CNOT6: variants seen among roughly 807,000 people sequenced by gnomAD.
CNOT6 encodes CCR4-NOT transcription complex subunit 6, also known as carbon catabolite repression 4 protein.
A neutral mutation model predicts 61.2 loss-of-function variants in CNOT6; 12 were observed. That is an observed-to-expected ratio of 0.20 (90% CI 0.13 to 0.32). The LOEUF (loss-of-function observed/expected upper bound fraction) is 0.32, where lower values mean the gene tolerates loss of function less well. Among genes scored for constraint, CNOT6 ranks in the 10% least tolerant of loss-of-function variants. CNOT6 has a pLI of 1.00. For missense variants in CNOT6, 405 were observed against 663.9 expected, an observed-to-expected ratio of 0.61 and a Z score of 4.28; for synonymous variants, 225 against 240.6, an observed-to-expected ratio of 0.94 and a Z score of 0.60.
chr5:180,510,789 A>G (rs1033154342), intron 1 of CNOT6, among the ~76,000 whole-genome samples: 36 of 152,118 alleles, frequency 2.4e-4, no homozygotes, highest in Admixed American at 1.8e-3. Flanking sequence ...TTGTTTTGTA[A>G]TAATGGAAAA....
At chr5:180,540,473 C>T (rs72812965) in intron 2 of CNOT6, among the ~76,000 whole-genome samples, 2,884 of 152,140 alleles carry the variant, frequency 0.019, 38 homozygotes, top group Non-Finnish European at 0.027. Context: ...CAGTAGAGAC[C>T]GTAATTGGAG....
intron 1 of CNOT6, among the ~76,000 whole-genome samples, chr5:180,518,359 C>G (rs1757740139): frequency 6.6e-6 from 1 of 152,116 alleles, no homozygotes; most frequent in Non-Finnish European, 1.5e-5. Flanking sequence ...ACTTTGCTTT[C>G]TTGGTATTAG....
In CNOT6 at chr5:180,529,382, A is replaced by T; in HGVS notation, c.106A>T (p.Ile36Leu). The stretch of plus-strand genomic sequence containing the variant: ...GAAATCCCACTGGGCAGAGCTTGAA[A>T]TAAGTGGTAAGACATGGAAGCATGA... The part of the protein sequence containing the change: ...GKKSHWAELE[I>L]SGKVRSLSAS... The change falls in exon 2 of 12, where the codon ATA becomes TTA. Residue 36 changes from isoleucine to leucine, a missense_variant. Ile to Leu is a conservative substitution (Grantham distance 5). Coordinates refer to ENST00000261951, the MANE Select transcript of CNOT6 (RefSeq NM_001370472.1). 1 of 1,594,782 alleles carries T rather than the reference A, an allele frequency of 6.3e-7. No homozygotes were observed. The highest frequency in any genetic ancestry group is 8.6e-7 in the Non-Finnish European group (1 of 1,162,974).
intron 4 of CNOT6, among the ~76,000 whole-genome samples, chr5:180,555,750 G>C (rs969230889): frequency 6.6e-6 from 1 of 152,174 alleles, no homozygotes; most frequent in African/African-American, 2.4e-5. Flanking sequence ...GCTTGGAAGA[G>C]AGAAAATAAT....
At chr5:180,504,282 A>G (rs1757027428) in intron 1 of CNOT6, among the ~76,000 whole-genome samples, 2 of 152,202 alleles carry the variant, frequency 1.3e-5, no homozygotes, top group Non-Finnish European at 2.9e-5. Context: ...GTGTTGTTAA[A>G]GGCTTCTTGA....
intron 2 of CNOT6, among the ~76,000 whole-genome samples, chr5:180,548,294 C>T (rs901694654): frequency 6.6e-6 from 1 of 152,216 alleles, no homozygotes; most frequent in African/African-American, 2.4e-5. Flanking sequence ...AGTCTAGCCT[C>T]AGTTCTGTGT....
chr5:180,541,441 A>AT (rs1163850404), intron 2 of CNOT6, among the ~76,000 whole-genome samples: 6,161 of 106,254 alleles, frequency 0.058, 627 homozygotes, highest in East Asian at 0.11. Context: ...TGGCCAAGAA[A>AT]TTTTTTTTTT....
At position 180,575,166 on chromosome 5, in the gene CNOT6, A is replaced by C. The variant is rs1760950150; in HGVS notation, c.*966A>C. On this transcript the variant is annotated 3_prime_UTR_variant, in exon 12 of 12. Coordinates refer to ENST00000261951, the MANE Select transcript of CNOT6 (RefSeq NM_001370472.1). ...CTGCCTAAATTTGTTCTCACCAAGC[A>C]CTGCCTGTGCATGCAGAGAAAATCT... is the stretch of plus-strand genomic sequence containing the variant. 6.6e-6 allele frequency: 1 copy of C among 152,664 alleles called. No homozygotes were observed. The highest frequency in any genetic ancestry group is 1.5e-5 in the Non-Finnish European group (1 of 68,050). 9.5% of individuals were successfully genotyped at this position (152,664 alleles called of 1,614,324 possible). A position where few individuals can be genotyped will look rare whatever the true frequency, so the allele number is the denominator to read the frequency against.
intron 4 of CNOT6, among the ~76,000 whole-genome samples, chr5:180,562,513 G>A (rs371532479): frequency 3.3e-5 from 5 of 152,162 alleles, no homozygotes; most frequent in African/African-American, 1.2e-4. Context: ...GGCCGAGTCG[G>A]GTGGATCACG....
intron 2 of CNOT6, among the ~76,000 whole-genome samples, chr5:180,530,965 C>T (rs1243447915): frequency 6.6e-6 from 1 of 152,266 alleles, no homozygotes; most frequent in Non-Finnish European, 1.5e-5. Context: ...ATGTCTACTT[C>T]TTTCTACACA....
chr5:180,529,392 A>T lies in CNOT6; in HGVS notation c.112+4A>T. 1.9e-6 allele frequency: 3 copies of T among 1,544,756 alleles called. No individual in the cohort carries two copies. Among genetic ancestry groups the T allele is most frequent in the Non-Finnish European group, 2.7e-6 (3 of 1,118,436 alleles). ...TGGGCAGAGCTTGAAATAAGTGGTA[A>T]GACATGGAAGCATGAATTTATGGTA... On this transcript the variant is annotated splice_donor_region_variant and intron_variant, in intron 2 of 11. Coordinates refer to ENST00000261951, the MANE Select transcript of CNOT6 (RefSeq NM_001370472.1).
intron 4 of CNOT6, among the ~76,000 whole-genome samples, chr5:180,554,709 C>T (rs974637338): frequency 6.6e-6 from 1 of 151,946 alleles, no homozygotes; most frequent in Admixed American, 6.6e-5. Flanking sequence ...CTAGCTGTTT[C>T]TAAATTTGAA....
At chr5:180,531,490 C>T (rs539589247) in intron 2 of CNOT6, among the ~76,000 whole-genome samples, 82 of 151,418 alleles carry the variant, frequency 5.4e-4, no homozygotes, top group Non-Finnish European at 9.0e-4. Context: ...AGACGCTCCT[C>T]ACTTCCCAGA....
At chr5:180,529,512 A>G in intron 2 of CNOT6, 124 bp downstream of exon 2, 1 of 663,500 alleles carries the variant, frequency 1.5e-6, no homozygotes, top group Non-Finnish European at 2.7e-6. Context: ...GTATTTATAA[A>G]TGATTGTATT....
At chr5:180,549,238 T>C (rs2127742696) in intron 2 of CNOT6, among the ~76,000 whole-genome samples, 1 of 152,316 alleles carries the variant, frequency 6.6e-6, no homozygotes, top group Admixed American at 6.5e-5. Flanking sequence ...GAACAGCCTC[T>C]GAGATAGTAG....
At chr5:180,548,331 T>C (rs1461876285) in intron 2 of CNOT6, among the ~76,000 whole-genome samples, 1 of 152,178 alleles carries the variant, frequency 6.6e-6, no homozygotes, top group Admixed American at 6.5e-5. Context: ...GCCTCCACCA[T>C]CCTTTCAGGT....
chr5:180,555,898 T>C (rs969064600), intron 4 of CNOT6, among the ~76,000 whole-genome samples: 1 of 152,124 alleles, frequency 6.6e-6, no homozygotes, highest in Non-Finnish European at 1.5e-5. Context: ...CTTCACTTTT[T>C]CCCCCCACAT....
intron 1 of CNOT6, among the ~76,000 whole-genome samples, chr5:180,519,810 G>A (rs534717994): frequency 7.0e-6 from 1 of 141,904 alleles, no homozygotes; most frequent in Non-Finnish European, 1.5e-5. Flanking sequence ...GTGTCAATAT[G>A]TTAAAATTTG....
At chr5:180,559,030 A>G (rs961738759) in intron 4 of CNOT6, among the ~76,000 whole-genome samples, 1 of 152,218 alleles carries the variant, frequency 6.6e-6, no homozygotes, top group Non-Finnish European at 1.5e-5. Flanking sequence ...AGTTTGTTTG[A>G]TGGCCTAGGA....
Sources: allele counts gnomAD v4.1 joint callset (sites outside exome capture counted in the v4.1 genomes callset), GRCh38; gene constraint gnomAD v4.1.1; transcripts MANE v1.5; gene names NCBI Gene and HGNC (gene_info 2026-07-23, HGNC 2026-07-21).